NFYA: variants seen among roughly 807,000 people sequenced by gnomAD.
NFYA encodes nuclear transcription factor Y subunit alpha.
Under a neutral mutation model 52.8 loss-of-function variants are expected in NFYA, and 28 were observed. That is an observed-to-expected ratio of 0.53 (90% CI 0.39 to 0.73). The LOEUF (loss-of-function observed/expected upper bound fraction) is 0.73. Among genes scored for constraint, NFYA ranks in the 30% least tolerant of loss-of-function variants. NFYA has a pLI of 0.00. For synonymous variants in NFYA, 150 were observed against 150.7 expected (o/e 1.00, Z 0.03); for missense variants, 234 against 427.0 (o/e 0.55, Z 3.98).
chr6:41,099,916 C>T lies in NFYA; in HGVS notation c.*2506C>T, dbSNP rs1360311029. The T allele has an allele frequency of 1.3e-5, 2 of 151,560 alleles. No individual in the cohort carries two copies. The highest frequency in any genetic ancestry group is 2.9e-5 in the Non-Finnish European group (2 of 67,878). 9.4% of individuals were successfully genotyped at this position (151,560 alleles called of 1,614,324 possible). ...AGCAGTATGGGGGCGTACAGGTGAT[C>T]GATCATTAATGTCATTGCAATTGTT... is the stretch of plus-strand genomic sequence containing the variant. On this transcript the variant is annotated 3_prime_UTR_variant, in exon 10 of 10. Transcript: ENST00000341376.
chr6:41,090,144 AT>A, intron 5 of NFYA, 59 bp from the exon 6 acceptor site: 5 of 1,166,390 alleles, frequency 4.3e-6, no homozygotes, highest in Non-Finnish European at 6.4e-6. Flanking sequence ...TAAGGACTAC[AT>A]CGTTCTTTGT....
Position 41,089,447 on chromosome 6 carries a change from A to G in NFYA, c.310-132A>G, listed in dbSNP as rs563076068. On this transcript the variant is annotated intron_variant, in intron 4 of 9. Transcript: ENST00000341376. The stretch of plus-strand genomic sequence containing the variant: ...ATAAGTTGTGTCTACTTCATAATGG[A>G]GGGCAGAGCAGGACTTCTTTTTTCC... 6.6e-6 allele frequency: 6 copies of G among 914,938 alleles called. No individual in the cohort carries two copies. In the East Asian group the frequency reaches 1.7e-4, roughly 27 times the overall value. The allele number at this position is 914,938 out of a possible 1,614,324, so 56.7% of individuals were successfully genotyped here. A position where few individuals can be genotyped will look rare whatever the true frequency, so the allele number is the denominator to read the frequency against.
At chr6:41,091,287 G>C (rs547868101) in intron 6 of NFYA, among the ~76,000 whole-genome samples, 38 of 152,300 alleles carry the variant, frequency 2.5e-4, no homozygotes, top group African/African-American at 7.7e-4. Flanking sequence ...TTTGAAAACT[G>C]CTAAGGATAG....
chr6:41,079,050 AG>A lies in NFYA; in HGVS notation c.-38del. The stretch of plus-strand genomic sequence containing the variant: ...ACAGGAGTGTACCTCACAGCCTTCT[AG>A]GATCTCCAGAGTGGACAGGAATCTC... On this transcript the variant is annotated 5_prime_UTR_variant, in exon 2 of 10. Transcript: ENST00000341376. 1 of 1,598,562 alleles carries A rather than the reference AG, an allele frequency of 6.3e-7. No homozygotes were observed. The highest frequency in any genetic ancestry group is 1.3e-5 in the African/African-American group (1 of 74,740).
At chr6:41,096,898 T>C (rs943115221) in intron 9 of NFYA, among the ~76,000 whole-genome samples, 1 of 152,244 alleles carries the variant, frequency 6.6e-6, no homozygotes, top group South Asian at 2.1e-4. Context: ...TTCAGATTTA[T>C]CTGTAAAACG....
rs1202265252 is a variant in NFYA at position 41,090,540 on chromosome 6, T to A, written c.547+231T>A. Among the ~76,000 whole-genome samples, 2 of 152,208 alleles carry A rather than the reference T, an allele frequency of 1.3e-5. 1 individual carries two copies. Among genetic ancestry groups the A allele is most frequent in the Non-Finnish European group, 2.9e-5 (2 of 68,032 alleles). ...ATAGTGGTTGCTAATCTAGGGATTG[T>A]GTAAGCTTTTAGGGAAGAAGTGTTT... On this transcript the variant is annotated intron_variant, in intron 6 of 9. Transcript: ENST00000341376.
At chr6:41,094,027 AAATAAT>A (rs1348044167) in intron 8 of NFYA, among the ~76,000 whole-genome samples, 13 of 152,294 alleles carry the variant, frequency 8.5e-5, no homozygotes, top group Non-Finnish European at 2.9e-5. Context: ...TGTTTCTAGA[AAATAAT>A]AATAATAAAC....
rs201876868 is a variant in NFYA, at chr6:41,099,716, CT to C, written c.*2320del. On this transcript the variant is annotated 3_prime_UTR_variant, in exon 10 of 10. Transcript: ENST00000341376. ...AATGCCTAGTTATGCAACTTGAGTGCTTTTTTTTTTTTTTGCAGGATAATTT... is the reference window on the plus strand; with the variant it reads ...AATGCCTAGTTATGCAACTTGAGTGCTTTTTTTTTTTTTGCAGGATAATTT... 11,367 of 135,196 alleles carry C rather than the reference CT, an allele frequency of 0.084. 494 individuals are homozygous for C. The highest frequency in any genetic ancestry group is 0.13 in the Middle Eastern group (34 of 264). The allele number at this position is 135,196 out of a possible 1,614,324, so 8.4% of individuals were successfully genotyped here.
chr6:41,089,479 G>C (rs1354333433), intron 4 of NFYA, 100 bp from the exon 5 acceptor site: 1 of 1,328,494 alleles, frequency 7.5e-7, no homozygotes, highest in East Asian at 2.7e-5. Context: ...TTCCTCTTCA[G>C]AACATTTTCT....
At chr6:41,084,257 C>G in intron 4 of NFYA, 65 bp downstream of exon 4, 4 of 1,545,220 alleles carry the variant, frequency 2.6e-6, no homozygotes, top group Non-Finnish European at 3.5e-6. Flanking sequence ...TAGATTATTA[C>G]AACCTATTTG....
chr6:41,085,822 T>C (rs931442093), intron 4 of NFYA, among the ~76,000 whole-genome samples: 4 of 152,188 alleles, frequency 2.6e-5, no homozygotes, highest in Admixed American at 1.3e-4. Flanking sequence ...TTATAAAATA[T>C]AGTTAAGGAT....
At chr6:41,084,804 A>C (rs563797476) in intron 4 of NFYA, among the ~76,000 whole-genome samples, 156 of 152,318 alleles carry the variant, frequency 1.0e-3, no homozygotes, top group Middle Eastern at 0.01. Context: ...CTCTACTAAA[A>C]ATAAAAAATT....
intron 6 of NFYA, among the ~76,000 whole-genome samples, chr6:41,091,168 G>A (rs1461332530): frequency 6.6e-6 from 1 of 152,206 alleles, no homozygotes; most frequent in East Asian, 1.9e-4. Flanking sequence ...CAAAGTATAA[G>A]TTTTAAAATC....
At chr6:41,080,964 T>C in intron 3 of NFYA, 67 bp downstream of exon 3, 2 of 1,306,202 alleles carry the variant, frequency 1.5e-6, no homozygotes, top group South Asian at 2.4e-5. Flanking sequence ...CTGGTGCTGT[T>C]TGTGTTAGGA....
chr6:41,097,726 G>C lies in NFYA; in HGVS notation c.*316G>C. The C allele has an allele frequency of 4.1e-6, 1 of 245,620 alleles. No individual in the cohort carries two copies. The highest frequency in any genetic ancestry group is 8.0e-6 in the Non-Finnish European group (1 of 124,538). The allele number at this position is 245,620 out of a possible 1,614,324, so 15.2% of individuals were successfully genotyped here. A position where few individuals can be genotyped will look rare whatever the true frequency, so the allele number is the denominator to read the frequency against. On this transcript the variant is annotated 3_prime_UTR_variant, in exon 10 of 10. Transcript: ENST00000341376. Reference sequence around the variant, plus strand: ...CAAAGCACTTACCTTGACTGGTGAAGTCAGCCAGCCATCTCAGCAGGGAAG... The same window carrying C: ...CAAAGCACTTACCTTGACTGGTGAACTCAGCCAGCCATCTCAGCAGGGAAG...
intron 9 of NFYA, 84 bp from the exon 10 acceptor site, chr6:41,097,273 C>A: frequency 7.9e-7 from 1 of 1,263,118 alleles, no homozygotes; most frequent in South Asian, 1.2e-5. Context: ...TATGTGTATT[C>A]TCTTGGGGGG....
In NFYA at chr6:41,101,446, G is replaced by T. The variant is rs924357273; in HGVS notation, c.*4036G>T. On this transcript the variant is annotated 3_prime_UTR_variant, in exon 10 of 10. Transcript: ENST00000341376. Reference sequence around the variant, plus strand: ...AACTCAGAGGAAAGGATTTTTACAGGACCACGCCCCGGGCTTTGAACCCGT... The same window carrying T: ...AACTCAGAGGAAAGGATTTTTACAGTACCACGCCCCGGGCTTTGAACCCGT... 6.6e-6 allele frequency among the ~76,000 whole-genome samples: 1 copy of T among 152,156 alleles called. No individual in the cohort carries two copies. Among genetic ancestry groups the T allele is most frequent in the Admixed American group, 6.5e-5 (1 of 15,278 alleles).
chr6:41,087,554 TAAAA>T (rs760757194), intron 4 of NFYA, among the ~76,000 whole-genome samples: 1 of 152,114 alleles, frequency 6.6e-6, no homozygotes, highest in Non-Finnish European at 1.5e-5. Context: ...AATGCTCAAA[TAAAA>T]AAAGTTTGTT....
chr6:41,090,940 A>G (rs1764183624), intron 6 of NFYA, among the ~76,000 whole-genome samples: 1 of 152,222 alleles, frequency 6.6e-6, no homozygotes, highest in African/African-American at 2.4e-5. Flanking sequence ...TGACTTTGTG[A>G]TTGCAAATTT....
Sources: allele counts gnomAD v4.1 joint callset (sites outside exome capture counted in the v4.1 genomes callset), GRCh38; gene constraint gnomAD v4.1.1; transcripts MANE v1.5; gene names NCBI Gene and HGNC (gene_info 2026-07-23, HGNC 2026-07-21).